The following DIP2C variants were observed in gnomAD, a reference collection of about 807,000 sequenced individuals.
DIP2C encodes the protein disco-interacting protein 2 homolog C.
In DIP2C, 33 loss-of-function variants were observed where a neutral mutation model predicts 192.4. That is an observed-to-expected ratio of 0.17 (90% CI 0.13 to 0.23). The LOEUF (loss-of-function observed/expected upper bound fraction) is 0.23, where lower values mean the gene tolerates loss of function less well. DIP2C is among the 10% of genes least tolerant of loss of function. The probability of loss-of-function intolerance (pLI) is 1.00; values close to 1 mark genes in which losing one functional copy is unlikely to be tolerated. For synonymous variants in DIP2C, 979 were observed against 864.1 expected, an observed-to-expected ratio of 1.13 and a Z score of -2.33; for missense variants, 1,537 against 2,110.1, an observed-to-expected ratio of 0.73 and a Z score of 5.32.
chr10:388,310 C>T lies in DIP2C; in HGVS notation c.1598-501G>A, dbSNP rs147510213. 1.1e-4 allele frequency among the ~76,000 whole-genome samples: 16 copies of T among 152,258 alleles called. No homozygotes were observed. The East Asian group carries it at 2.7e-3, about 26-fold the overall frequency. On this transcript the variant is annotated intron_variant, in intron 13 of 36. Coordinates refer to ENST00000280886, the MANE Select transcript of DIP2C (RefSeq NM_014974.3). ...ACGGGGAGGACAATCTATTCAATGA[C>T]TATGGGGGAGGGCTCTAAAAAGGTG...
chr10:541,193 G>T (rs532644245), intron 1 of DIP2C, among the ~76,000 whole-genome samples: 1 of 152,086 alleles, frequency 6.6e-6, no homozygotes, highest in African/African-American at 2.4e-5. Flanking sequence ...GTTCTACCAC[G>T]CAACATTCAT....
chr10:566,243 C>T (rs78610649), intron 1 of DIP2C, among the ~76,000 whole-genome samples: 1 of 152,126 alleles, frequency 6.6e-6, no homozygotes, highest in African/African-American at 2.4e-5. Flanking sequence ...CAATTTTTTG[C>T]CCCTTTTTAA....
chr10:511,977 G>A (rs998083604), intron 1 of DIP2C, among the ~76,000 whole-genome samples: 7 of 152,144 alleles, frequency 4.6e-5, no homozygotes, highest in South Asian at 4.1e-4. Context: ...TGGTACTCCC[G>A]GGAGGCCCTC....
intron 1 of DIP2C, among the ~76,000 whole-genome samples, chr10:602,227 C>A (rs891156250): frequency 1.3e-5 from 2 of 152,210 alleles, no homozygotes; most frequent in South Asian, 2.1e-4. Context: ...CCCTTAAGTT[C>A]CTCCTGCTGA....
At chr10:361,816 G>A (rs1052993260) in intron 22 of DIP2C, among the ~76,000 whole-genome samples, 26 of 152,174 alleles carry the variant, frequency 1.7e-4, no homozygotes, top group Non-Finnish European at 3.5e-4. Context: ...CCTGAGGGAC[G>A]ATGCCCATGG....
chr10:304,837 T>C (rs1956233586), intron 32 of DIP2C, among the ~76,000 whole-genome samples: 1 of 151,654 alleles, frequency 6.6e-6, no homozygotes, highest in African/African-American at 2.4e-5. Flanking sequence ...TTGCAAACCC[T>C]CATATACTTG....
chr10:633,914 G>C (rs1393778948), intron 1 of DIP2C, among the ~76,000 whole-genome samples: 2 of 152,338 alleles, frequency 1.3e-5, no homozygotes, highest in Admixed American at 6.5e-5. Flanking sequence ...CTCCCAAACA[G>C]AGACAGAAAC....
chr10:281,465 T>C (rs943362877), intron 35 of DIP2C, 142 bp from the exon 36 acceptor site: 3 of 1,268,496 alleles, frequency 2.4e-6, no homozygotes, highest in Non-Finnish European at 3.1e-6. Flanking sequence ...GGGACGTTTG[T>C]TTCCTTCTGC....
At chr10:461,564 T>TA (rs1337967859) in intron 3 of DIP2C, among the ~76,000 whole-genome samples, 1 of 152,174 alleles carries the variant, frequency 6.6e-6, no homozygotes, top group African/African-American at 2.4e-5. Flanking sequence ...CCAAGAGACT[T>TA]AGACTCCCAC....
chr10:472,533 C>T lies in DIP2C; in HGVS notation c.174G>A (p.Leu58=). 2 of 1,614,148 alleles carry T rather than the reference C, an allele frequency of 1.2e-6. No individual in the cohort carries two copies. The highest frequency in any genetic ancestry group is 2.2e-5 in the South Asian group (2 of 91,080). The change falls in exon 3 of 37, where the codon TTG becomes TTA. Residue 58 remains leucine, a synonymous_variant. Transcript: ENST00000280886. The part of the protein sequence containing the change: ...LPQPPRVDQA[L]PQERRAPVTP... ...TGACAGGAGCCCGGCGTTCTTGCGG[C>T]AAAGCTTGGTCCACCCCTGGATTTC...
intron 1 of DIP2C, among the ~76,000 whole-genome samples, chr10:602,964 G>A (rs541070164): frequency 2.2e-4 from 34 of 152,090 alleles, no homozygotes; most frequent in Non-Finnish European, 3.5e-4. Flanking sequence ...GTTGGGGGAG[G>A]CAAGAGTGCT....
chr10:417,962 A>C (rs71494910), intron 6 of DIP2C, among the ~76,000 whole-genome samples: 1 of 37,504 alleles, frequency 2.7e-5, no homozygotes, highest in Non-Finnish European at 4.7e-5. Flanking sequence ...GTCCACCTGC[A>C]CCTGTCAGGG....
intron 1 of DIP2C, among the ~76,000 whole-genome samples, chr10:593,866 G>T (rs1851546769): frequency 6.6e-6 from 1 of 152,216 alleles, no homozygotes; most frequent in South Asian, 2.1e-4. Context: ...GGCAGGTAAA[G>T]GGGACTCGAA....
intron 29 of DIP2C, among the ~76,000 whole-genome samples, chr10:334,993 G>A (rs1364556926): frequency 6.6e-6 from 1 of 152,078 alleles, no homozygotes; most frequent in Non-Finnish European, 1.5e-5. Flanking sequence ...CCAAGATTTT[G>A]GTAGGAATTA....
chr10:618,600 CTAAA>C (rs66483077), intron 1 of DIP2C, among the ~76,000 whole-genome samples: 110,933 of 152,026 alleles, frequency 0.73, 44,269 homozygotes, highest in Non-Finnish European at 0.89. Flanking sequence ...GTCATGACTA[CTAAA>C]TAATGATTTT....
intron 35 of DIP2C, among the ~76,000 whole-genome samples, chr10:282,580 G>A (rs1954887150): frequency 6.6e-6 from 1 of 152,220 alleles, no homozygotes; most frequent in Non-Finnish European, 1.5e-5. Flanking sequence ...ATTTTTAGCA[G>A]AACTAAGGAG....
At position 274,431 on chromosome 10, in the gene DIP2C, T is replaced by C. The variant is rs1410578853; in HGVS notation, c.*2894A>G. The C allele has an allele frequency of 6.6e-6, 1 of 152,216 alleles. No homozygotes were observed. The highest frequency in any genetic ancestry group is 1.5e-5 in the Non-Finnish European group (1 of 68,036). 9.4% of individuals were successfully genotyped at this position (152,216 alleles called of 1,614,324 possible). On this transcript the variant is annotated 3_prime_UTR_variant, in exon 37 of 37. Transcript: ENST00000280886. ...GGATTAAAGCTGTCCCAGACATCTT[T>C]CCAGGGGACCAATTAAGAAACTGCT...
intron 1 of DIP2C, among the ~76,000 whole-genome samples, chr10:519,060 C>T (rs985284663): frequency 1.3e-5 from 2 of 152,222 alleles, no homozygotes; most frequent in Admixed American, 1.3e-4. Flanking sequence ...TGCAGATTGT[C>T]CTTCAACATC....
chr10:347,575 G>T (rs71492990), intron 26 of DIP2C, among the ~76,000 whole-genome samples: 20 of 80,618 alleles, frequency 2.5e-4, no homozygotes, highest in Non-Finnish European at 3.1e-4. Flanking sequence ...AACCCCACAC[G>T]CACCCAGACA....
Sources: gnomAD v4.1 joint callset for allele counts (sites outside exome capture counted in the v4.1 genomes callset) on GRCh38, gnomAD v4.1.1 for gene constraint, MANE v1.5 for transcripts, NCBI Gene and HGNC (gene_info 2026-07-23, HGNC 2026-07-21) for gene names.